Variants in SEPTIN11 observed in about 807,000 individuals in gnomAD.
SEPTIN11 encodes the protein septin-11.
A neutral mutation model predicts 51.4 loss-of-function variants in SEPTIN11; 25 were observed. The ratio of observed to expected loss-of-function variants is 0.49; its 90% CI spans 0.35 to 0.68. SEPTIN11 has a LOEUF of 0.68. Ranked by LOEUF, SEPTIN11 falls within the 30% of genes least tolerant of loss-of-function variation. The pLI is 0.00. For missense variants in SEPTIN11, 381 were observed against 520.8 expected (o/e 0.73, Z 2.61); for synonymous variants, 174 against 184.1 (o/e 0.95, Z 0.44).
chr4:76,958,923 G>T (rs1441903165), intron 1 of SEPTIN11: 9 of 1,387,902 alleles, frequency 6.5e-6, no homozygotes, highest in Non-Finnish European at 9.2e-6. Context: ...CCCACCTTTT[G>T]TCCCTTCTTA....
chr4:77,034,672 G>A lies in SEPTIN11; in HGVS notation c.*160G>A. 7.5e-7 allele frequency: 1 copy of A among 1,326,706 alleles called. No individual in the cohort carries two copies. Among genetic ancestry groups the A allele is most frequent in the Non-Finnish European group, 9.6e-7 (1 of 1,037,132 alleles). 82.2% of individuals were successfully genotyped at this position (1,326,706 alleles called of 1,614,324 possible). On this transcript the variant is annotated 3_prime_UTR_variant, in exon 10 of 10. Coordinates refer to ENST00000264893, the MANE Select transcript of SEPTIN11 (RefSeq NM_018243.4). ...TAACTCGTTTTGCTGAATGTTGTTG[G>A]GTGGTAGAAAATGATAGAACAAGGG...
At position 76,949,771 on chromosome 4, in the gene SEPTIN11, C is replaced by G. The variant is rs973859147; in HGVS notation, c.-133C>G. ...TGGGGGGAGCAGATGCCGCTGGCTGCCAGCGGGACGCCGGCGAGCAGAGCG... is the reference window on the plus strand; with the variant it reads ...TGGGGGGAGCAGATGCCGCTGGCTGGCAGCGGGACGCCGGCGAGCAGAGCG... On this transcript the variant is annotated 5_prime_UTR_variant, in exon 1 of 10. Coordinates refer to ENST00000264893, the MANE Select transcript of SEPTIN11 (RefSeq NM_018243.4). The G allele has an allele frequency of 1.9e-5, 18 of 954,456 alleles. 1 individual carries two copies. Among genetic ancestry groups the G allele is most frequent in the Non-Finnish European group, 2.6e-5 (17 of 666,506 alleles). The allele number at this position is 954,456 out of a possible 1,614,324, so 59.1% of individuals were successfully genotyped here. A position where few individuals can be genotyped will look rare whatever the true frequency, so the allele number is the denominator to read the frequency against.
chr4:77,038,628 T>G (rs1436956618), downstream of SEPTIN11: 6 of 994,640 alleles, frequency 6.0e-6, no homozygotes, highest in East Asian at 4.4e-4. Context: ...TGTGTGCCCT[T>G]TTTTGTGAGT....
At chr4:77,022,506 A>G (rs944839862) in intron 7 of SEPTIN11, among the ~76,000 whole-genome samples, 1 of 152,206 alleles carries the variant, frequency 6.6e-6, no homozygotes, top group Non-Finnish European at 1.5e-5. Flanking sequence ...ACAACTATTC[A>G]GTTCTGCCCT....
In SEPTIN11 at chr4:76,984,781, GAC is replaced by G. The variant is rs1262327922; in HGVS notation, c.28-11643_28-11642del. On this transcript the variant is annotated intron_variant, in intron 1 of 9. Transcript: ENST00000264893. The surrounding 1 kb of genome is among the most constrained non-coding windows in gnomAD (Gnocchi z 4.1). The stretch of plus-strand genomic sequence containing the variant: ...GTGGGTGGTTTTATGCTCTGCAAGA[GAC>G]GTGATATGTCTTAAATGGAACTGGG... Among the ~76,000 whole-genome samples the G allele has an allele frequency of 2.4e-3, 373 of 152,296 alleles. No individual in the cohort carries two copies. Among genetic ancestry groups the G allele is most frequent in the African/African-American group, 8.8e-3 (364 of 41,548 alleles).
At chr4:77,017,219 C>T (rs374632942) in intron 5 of SEPTIN11, among the ~76,000 whole-genome samples, 1 of 152,144 alleles carries the variant, frequency 6.6e-6, no homozygotes, top group Non-Finnish European at 1.5e-5. Flanking sequence ...CTTTGTTAAA[C>T]TTATTGGAAA....
At chr4:77,008,560 A>C (rs560923648) in intron 3 of SEPTIN11, among the ~76,000 whole-genome samples, 1 of 152,260 alleles carries the variant, frequency 6.6e-6, no homozygotes, top group African/African-American at 2.4e-5. Context: ...GTGGAAAGTC[A>C]GTCCCTGAAT....
In SEPTIN11 at chr4:77,036,527, A is replaced by G; in HGVS notation, c.*2015A>G. 1.4e-6 allele frequency: 2 copies of G among 1,389,818 alleles called. No individual in the cohort carries two copies. Among genetic ancestry groups the G allele is most frequent in the Non-Finnish European group, 1.9e-6 (2 of 1,077,502 alleles). 86.1% of individuals were successfully genotyped at this position (1,389,818 alleles called of 1,614,324 possible). A position where few individuals can be genotyped will look rare whatever the true frequency, so the allele number is the denominator to read the frequency against. On this transcript the variant is annotated 3_prime_UTR_variant, in exon 10 of 10. Transcript: ENST00000264893. ...TAAAATGAGCATAACAACGAAAGGC[A>G]TCCAGCTGACTTTTTGATTCCAAGA...
rs1726956722 is a variant in SEPTIN11, at chr4:77,035,371, TC to T, written c.*862del. On this transcript the variant is annotated 3_prime_UTR_variant, in exon 10 of 10. Coordinates refer to ENST00000264893, the MANE Select transcript of SEPTIN11 (RefSeq NM_018243.4). ...CTTTCATAAACACACCTCAGTTTGT[TC>T]CCAGTGGGCTTAGAGGGAGGACCTG... 2.0e-6 allele frequency: 2 copies of T among 985,324 alleles called. No homozygotes were observed. Among genetic ancestry groups the T allele is most frequent in the East Asian group, 2.3e-4 (2 of 8,828 alleles). The allele number at this position is 985,324 out of a possible 1,614,324, so 61.0% of individuals were successfully genotyped here.
chr4:76,972,040 T>G (rs1353271494), intron 1 of SEPTIN11, among the ~76,000 whole-genome samples: 2 of 152,236 alleles, frequency 1.3e-5, no homozygotes, highest in Non-Finnish European at 2.9e-5. Context: ...CATGACTTAG[T>G]GAGGTTGGAC....
At chr4:77,030,005 T>C (rs1726494489) in intron 8 of SEPTIN11, among the ~76,000 whole-genome samples, 1 of 152,110 alleles carries the variant, frequency 6.6e-6, no homozygotes, top group African/African-American at 2.4e-5. Flanking sequence ...ACGCCTGTAA[T>C]CCCAGCACCT....
intron 4 of SEPTIN11, among the ~76,000 whole-genome samples, chr4:77,013,153 A>G (rs1724995086): frequency 6.6e-6 from 1 of 152,228 alleles, no homozygotes; most frequent in Admixed American, 6.5e-5. Context: ...CAGCCGGATA[A>G]TATCCAACAC....
In SEPTIN11 at chr4:77,030,982, T is replaced by C; in HGVS notation, c.1274+12T>C. The stretch of plus-strand genomic sequence containing the variant: ...AAGGATAAGAAAAAGTAAGCAGGTG[T>C]CACCCCCCTGTATCGGGGACCTCTA... On this transcript the variant is annotated intron_variant, in intron 9 of 9. Transcript: ENST00000264893. 6.3e-7 allele frequency: 1 copy of C among 1,594,256 alleles called. No individual in the cohort carries two copies. The highest frequency in any genetic ancestry group is 1.1e-5 in the South Asian group (1 of 87,268).
intron 8 of SEPTIN11, 119 bp from the exon 9 acceptor site, chr4:77,030,664 A>G (rs1726556684): frequency 1.1e-6 from 1 of 896,094 alleles, no homozygotes. Context: ...CAAAGTGCTG[A>G]AATTACAGGC....
At chr4:76,987,821 T>C in intron 1 of SEPTIN11, 1 of 981,222 alleles carries the variant, frequency 1.0e-6, no homozygotes, top group Non-Finnish European at 1.2e-6. Context: ...CAGAGGCGTC[T>C]GTACTACTGA....
In SEPTIN11 at chr4:77,034,530, A is replaced by AT; in HGVS notation, c.*19dup. 3 of 1,560,520 alleles carry AT rather than the reference A, an allele frequency of 1.9e-6. No homozygotes were observed. Among genetic ancestry groups the AT allele is most frequent in the African/African-American group, 2.8e-5 (2 of 72,234 alleles). On this transcript the variant is annotated 3_prime_UTR_variant, in exon 10 of 10. Transcript: ENST00000264893. ...TCACATAAAGCCTGGCAAGCCAAGGATGTTCCCGCATTCACCTGCTTTTGC... is the reference window on the plus strand; with the variant it reads ...TCACATAAAGCCTGGCAAGCCAAGGATTGTTCCCGCATTCACCTGCTTTTGC...
chr4:77,006,966 C>T (rs1724517092), intron 3 of SEPTIN11, among the ~76,000 whole-genome samples: 2 of 152,162 alleles, frequency 1.3e-5, no homozygotes, highest in Admixed American at 1.3e-4. Flanking sequence ...CCCGTGATAA[C>T]AGGAACAATT....
At chr4:77,034,296 G>A (rs1726882578) in intron 9 of SEPTIN11, among the ~76,000 whole-genome samples, 1 of 152,224 alleles carries the variant, frequency 6.6e-6, no homozygotes, top group East Asian at 1.9e-4. Flanking sequence ...CTAACCATAT[G>A]TCTTTAATTC....
In SEPTIN11 at chr4:77,008,047, A is replaced by G. The variant is rs1724611125; in HGVS notation, c.338+2251A>G. Among the ~76,000 whole-genome samples the G allele has an allele frequency of 3.9e-5, 6 of 152,346 alleles. No individual in the cohort carries two copies. The South Asian group carries it at 1.0e-3, about 26-fold the overall frequency. On this transcript the variant is annotated intron_variant, in intron 3 of 9. Transcript: ENST00000264893. The stretch of plus-strand genomic sequence containing the variant: ...TTATGTAGGCTTTGGACATGTCAAC[A>G]TTCCTGTATTATTATCTGCCTCAGA...
Sources: allele counts gnomAD v4.1 joint callset (sites outside exome capture counted in the v4.1 genomes callset), GRCh38; gene constraint gnomAD v4.1.1; non-coding constraint Gnocchi (gnomAD v3.1); transcripts MANE v1.5; gene names NCBI Gene and HGNC (gene_info 2026-07-23, HGNC 2026-07-21).